Variants in LAMA4 observed in about 807,000 individuals in gnomAD.
LAMA4 encodes the protein laminin subunit alpha-4.
A neutral mutation model predicts 207.1 loss-of-function variants in LAMA4; 127 were observed. The ratio of observed to expected loss-of-function variants is 0.61; its 90% CI spans 0.53 to 0.71. LAMA4 has a LOEUF of 0.71. LAMA4 is among the 30% of genes least tolerant of loss of function. The pLI, the probability that LAMA4 is intolerant of heterozygous loss-of-function variation, is 0.00. For missense variants in LAMA4, 2,093 were observed against 2,246.5 expected (o/e 0.93, Z 1.38); for synonymous variants, 761 against 816.0 (o/e 0.93, Z 1.15).
chr6:112,196,285 G>C (rs782120423), intron 5 of LAMA4, among the ~76,000 whole-genome samples: 4 of 152,052 alleles, frequency 2.6e-5, no homozygotes, highest in African/African-American at 4.8e-5. Context: ...CCATCTAGCT[G>C]TAAGTTTGTG....
At chr6:112,166,366 C>T (rs1554339936) in intron 12 of LAMA4, 3 of 152,172 alleles carry the variant, frequency 2.0e-5, no homozygotes, top group African/African-American at 7.2e-5. Flanking sequence ...AAGCCTAATA[C>T]AGTGTGACTA....
intron 38 of LAMA4, among the ~76,000 whole-genome samples, chr6:112,111,185 A>G (rs587641576): frequency 6.6e-6 from 1 of 152,174 alleles, no homozygotes; most frequent in African/African-American, 2.4e-5. Context: ...GAGGGATTAC[A>G]GGCACTCACC....
At chr6:112,247,386 C>T (rs1787032636) in intron 2 of LAMA4, among the ~76,000 whole-genome samples, 1 of 152,278 alleles carries the variant, frequency 6.6e-6, no homozygotes, top group South Asian at 2.1e-4. Flanking sequence ...TATTGTAAAG[C>T]AGAGGCTGCA....
intron 3 of LAMA4, among the ~76,000 whole-genome samples, chr6:112,207,481 A>G (rs1784125662): frequency 6.7e-6 from 1 of 148,518 alleles, no homozygotes; most frequent in Admixed American, 6.6e-5. Context: ...TGTTCCAGAA[A>G]TATTGGCTTA....
chr6:112,194,036 C>A (rs1036757097), intron 5 of LAMA4, among the ~76,000 whole-genome samples: 1 of 152,212 alleles, frequency 6.6e-6, no homozygotes, highest in Non-Finnish European at 1.5e-5. Context: ...CAAAGAGACA[C>A]CCCAAGAGGA....
chr6:112,141,335 C>T (rs1422179868), intron 21 of LAMA4, 23 bp downstream of exon 21: 1 of 1,612,218 alleles, frequency 6.2e-7, no homozygotes. Flanking sequence ...GCATATATGC[C>T]CTGTGTCATG....
intron 4 of LAMA4, among the ~76,000 whole-genome samples, chr6:112,202,526 T>C (rs1783817616): frequency 6.6e-6 from 1 of 152,096 alleles, no homozygotes; most frequent in Non-Finnish European, 1.5e-5. Flanking sequence ...ACCAATAAAG[T>C]GTGACCCGCT....
rs2213841 is a variant in LAMA4, at chr6:112,233,138, G to A, written c.196-16669C>T. On this transcript the variant is annotated intron_variant, in intron 2 of 38. Coordinates refer to ENST00000230538, the MANE Select transcript of LAMA4 (RefSeq NM_001105206.3). ...CCTGGAATGAGCAGCCAGGGACACC[G>A]TGGTTGACTATTGATGTCACGCCAA... Among the ~76,000 whole-genome samples the A allele has an allele frequency of 7.8e-3, 1,194 of 152,304 alleles. 11 individuals carry two copies. The highest frequency in any genetic ancestry group is 0.027 in the African/African-American group (1,106 of 41,562).
intron 5 of LAMA4, among the ~76,000 whole-genome samples, chr6:112,192,740 C>T (rs1270357901): frequency 6.6e-6 from 1 of 152,106 alleles, no homozygotes; most frequent in African/African-American, 2.4e-5. Context: ...GCTGTCTCTG[C>T]CCAGAGGAAG....
At chr6:112,171,023 G>A (rs1226145315) in intron 12 of LAMA4, among the ~76,000 whole-genome samples, 2 of 152,148 alleles carry the variant, frequency 1.3e-5, no homozygotes, top group Admixed American at 1.3e-4. Context: ...CAGATCAGAG[G>A]GAGTCCTGAA....
intron 2 of LAMA4, among the ~76,000 whole-genome samples, chr6:112,226,928 A>T (rs1176609958): frequency 6.6e-6 from 1 of 152,196 alleles, no homozygotes; most frequent in African/African-American, 2.4e-5. Context: ...TTGTGTAGGG[A>T]TACACATATA....
rs191391557 is a variant in LAMA4 at position 112,187,506 on chromosome 6, C to T, written c.910G>A (p.Gly304Arg). The T allele has an allele frequency of 2.9e-5, 47 of 1,614,124 alleles. No homozygotes were observed. The African/African-American group carries it at 5.2e-4, about 18-fold the overall frequency. ...GKSGVLSVSS[G>R]AAAHRHVNEI... ...TTCACGTGCCTATGAGCGGCGGCCCCAGAGGATACGCTCAGCACCCCGGAT... is the reference window on the plus strand; with the variant it reads ...TTCACGTGCCTATGAGCGGCGGCCCTAGAGGATACGCTCAGCACCCCGGAT... Residue 304 changes from glycine to arginine, a missense_variant, in exon 8 of 39, where the codon GGG becomes AGG. By Grantham distance (125) the Gly-to-Arg change is moderately radical. Coordinates refer to ENST00000230538, the MANE Select transcript of LAMA4 (RefSeq NM_001105206.3).
In LAMA4 at chr6:112,224,903, C is replaced by A. The variant is rs9481233; in HGVS notation, c.196-8434G>T. ...CTCCTGATTTCCAGGACAACTCTTT[C>A]TTCTGGCTTTTCCCCTGCCTACCTT... On this transcript the variant is annotated intron_variant, in intron 2 of 38. Coordinates refer to ENST00000230538, the MANE Select transcript of LAMA4 (RefSeq NM_001105206.3). Among the ~76,000 whole-genome samples the A allele has an allele frequency of 3.5e-3, 518 of 147,236 alleles. 3 individuals are homozygous for A. Among genetic ancestry groups the A allele is most frequent in the African/African-American group, 0.012 (500 of 40,272 alleles).
At chr6:112,113,125 T>A (rs587713764) in intron 38 of LAMA4, among the ~76,000 whole-genome samples, 2 of 152,258 alleles carry the variant, frequency 1.3e-5, no homozygotes, top group South Asian at 4.1e-4. Context: ...GAAATTATAG[T>A]TAAGGATAAT....
At chr6:112,254,774 A>G (rs781811145), upstream of LAMA4, 1 of 153,888 alleles carries the variant, frequency 6.5e-6, no homozygotes, top group Non-Finnish European at 1.4e-5. Context: ...CGGATGTCTT[A>G]TCTATATTTA....
chr6:112,201,636 C>T lies in LAMA4; in HGVS notation c.475G>A (p.Glu159Lys), dbSNP rs540626879. The part of the protein sequence containing the change: ...KNGAVRCICN[E>K]NYAGPNCERC... ...TCACAGTTAGGTCCAGCATAATTTT[C>T]GTTACAAATGCACCGAACAGCTCCA... is the stretch of plus-strand genomic sequence containing the variant. Residue 159 changes from glutamate to lysine, a missense_variant, in exon 5 of 39, where the codon GAA (glutamate) becomes AAA (lysine). By Grantham distance (56) the Glu-to-Lys change is moderately conservative (BLOSUM62 1). Around this residue, in one of 3 missense-constraint regions of LAMA4, gnomAD observed 1,704 missense variants for 1,788.4 expected, o/e 0.95. Transcript: ENST00000230538. 6.2e-6 allele frequency: 10 copies of T among 1,613,742 alleles called. No individual in the cohort carries two copies. Among genetic ancestry groups the T allele is most frequent in the Admixed American group, 3.3e-5 (2 of 60,000 alleles).
rs13214535 is a variant in LAMA4, at chr6:112,147,977, T to C, written c.2353+180A>G. On this transcript the variant is annotated intron_variant, in intron 18 of 38. Transcript: ENST00000230538. ...TATATGTATGTTTCTCATATGTATT[T>C]AGACAGGTATAGATAGATAGATAGA... 0.3 allele frequency among the ~76,000 whole-genome samples: 46,256 copies of C among 152,112 alleles called. 7,559 individuals carry two copies. The highest frequency in any genetic ancestry group is 0.43 in the African/African-American group (17,741 of 41,460).
chr6:112,206,910 T>A, intron 4 of LAMA4, 111 bp downstream of exon 4: 1 of 1,288,656 alleles, frequency 7.8e-7, no homozygotes, highest in Admixed American at 1.7e-5. Context: ...AATATGAGGT[T>A]TTGCCTGTGG....
chr6:112,165,696 C>T (rs1213780194), intron 12 of LAMA4, among the ~76,000 whole-genome samples: 1 of 152,084 alleles, frequency 6.6e-6, no homozygotes, highest in African/African-American at 2.4e-5. Context: ...CACAAACAGC[C>T]CATTTGGACA....
Sources: allele counts gnomAD v4.1 joint callset (sites outside exome capture counted in the v4.1 genomes callset), GRCh38; gene constraint gnomAD v4.1.1; regional missense constraint gnomAD v4.1.1; transcripts MANE v1.5; gene names NCBI Gene and HGNC (gene_info 2026-07-23, HGNC 2026-07-21).